The following PCDH15 variants were observed in gnomAD, a reference collection of about 807,000 sequenced individuals.
PCDH15 encodes the protein protocadherin related 15, also known as protocadherin-15.
A neutral mutation model predicts 178.5 loss-of-function variants in PCDH15; 129 were observed. That is an observed-to-expected ratio of 0.72 (90% confidence interval 0.63 to 0.84). PCDH15 has a LOEUF of 0.84. Ranked by LOEUF, PCDH15 falls within the 40% of genes least tolerant of loss-of-function variation. PCDH15 has a pLI of 0.00. For missense variants in PCDH15, 2,230 were observed against 2,099.9 expected, an observed-to-expected ratio of 1.06 and a Z score of -1.21; for synonymous variants, 800 against 732.0, an observed-to-expected ratio of 1.09 and a Z score of -1.50.
intron 2 of PCDH15, among the ~76,000 whole-genome samples, chr10:55,529,248 A>C (rs998988840): frequency 6.6e-6 from 1 of 151,730 alleles, no homozygotes; most frequent in African/African-American, 2.4e-5. Context: ...CCCACTTGTC[A>C]ATTTTGGCTT....
At chr10:54,549,759 T>A (rs1034255125) in intron 2 of PCDH15, among the ~76,000 whole-genome samples, 4 of 152,032 alleles carry the variant, frequency 2.6e-5, no homozygotes, top group Non-Finnish European at 2.9e-5. Flanking sequence ...ATCTATCAAT[T>A]GTTGACAATA....
chr10:54,430,627 A>C (rs1956852970), intron 3 of PCDH15, among the ~76,000 whole-genome samples: 1 of 152,174 alleles, frequency 6.6e-6, no homozygotes, highest in Admixed American at 6.6e-5. Context: ...TACTGAGAGA[A>C]ATTTATAGCA....
intron 1 of PCDH15, among the ~76,000 whole-genome samples, chr10:54,748,505 G>T (rs1945770782): frequency 6.6e-6 from 1 of 152,082 alleles, no homozygotes; most frequent in Non-Finnish European, 1.5e-5. Context: ...AGAGATAACT[G>T]TCCATACCCC....
In PCDH15 at chr10:53,892,509, A is replaced by G. The variant is rs1175619794; in HGVS notation, c.3501+10734T>C. Among the ~76,000 whole-genome samples, 4 of 151,550 alleles carry G rather than the reference A, an allele frequency of 2.6e-5. No homozygotes were observed. The East Asian group carries it at 7.7e-4, about 29-fold the overall frequency. On this transcript the variant is annotated intron_variant, in intron 26 of 37. Transcript: ENST00000644397. ...TTTTTGGTGTCCCTTCTACAATAAC[A>G]AACAAACTGATTTGTGTGGAGAGGG... is the stretch of plus-strand genomic sequence containing the variant.
intron 10 of PCDH15, among the ~76,000 whole-genome samples, chr10:54,207,082 G>GA (rs917829546): frequency 1.3e-5 from 2 of 152,028 alleles, no homozygotes; most frequent in Non-Finnish European, 1.5e-5. Context: ...TTGTGAGGAA[G>GA]AAAAAAGGCC....
Position 55,007,044 on chromosome 10 carries a change from C to G in PCDH15, c.-79-109544G>C, listed in dbSNP as rs978050991. On this transcript the variant is annotated intron_variant, in intron 2 of 5. Transcript: ENST00000458638. ...CCCACAAGCATCTCTCTCTATGTCT[C>G]TCTCTCTTGCTCTTGCTTTTGCTAT... Among the ~76,000 whole-genome samples the G allele has an allele frequency of 2.6e-5, 4 of 152,240 alleles. No homozygotes were observed. The East Asian group carries it at 7.7e-4, about 29-fold the overall frequency.
chr10:55,284,336 A>G (rs1385036546), intron 1 of PCDH15, among the ~76,000 whole-genome samples: 1 of 152,114 alleles, frequency 6.6e-6, no homozygotes, highest in Non-Finnish European at 1.5e-5. Flanking sequence ...CTACACTGAG[A>G]GTAAGTTCTC....
At chr10:54,755,303 A>G (rs1383801040) in intron 1 of PCDH15, among the ~76,000 whole-genome samples, 3 of 152,186 alleles carry the variant, frequency 2.0e-5, no homozygotes, top group Non-Finnish European at 2.9e-5. Context: ...GGAGGAACCC[A>G]GTATAGTACG....
intron 26 of PCDH15, among the ~76,000 whole-genome samples, chr10:53,874,734 G>A (rs11003902): frequency 0.64 from 96,641 of 151,716 alleles, 31,482 homozygotes; most frequent in Middle Eastern, 0.79. Flanking sequence ...AAAAAAGTCC[G>A]TTGAGATAAA....
chr10:54,390,787 G>A (rs1419228625), intron 3 of PCDH15, among the ~76,000 whole-genome samples: 1 of 152,170 alleles, frequency 6.6e-6, no homozygotes, highest in Non-Finnish European at 1.5e-5. Flanking sequence ...TTAGGCAGAA[G>A]AGGACTAGAG....
chr10:54,177,811 GTGTT>G (rs768898840), intron 13 of PCDH15, among the ~76,000 whole-genome samples: 31 of 152,094 alleles, frequency 2.0e-4, no homozygotes, highest in South Asian at 6.2e-4. Context: ...TTGAGTGTCT[GTGTT>G]TGTTTATTAA....
At chr10:55,528,062 G>C (rs1316615205) in intron 2 of PCDH15, among the ~76,000 whole-genome samples, 1 of 151,720 alleles carries the variant, frequency 6.6e-6, no homozygotes, top group Non-Finnish European at 1.5e-5. Context: ...TCTCAGACAA[G>C]TTCTCACTCT....
chr10:55,571,751 A>T (rs999726139), intron 2 of PCDH15, among the ~76,000 whole-genome samples: 1 of 152,134 alleles, frequency 6.6e-6, no homozygotes, highest in Non-Finnish European at 1.5e-5. Context: ...ATGAGCTACA[A>T]ATAAACACTA....
intron 2 of PCDH15, among the ~76,000 whole-genome samples, chr10:54,662,258 C>G (rs995883199): frequency 6.6e-6 from 1 of 151,676 alleles, no homozygotes; most frequent in Admixed American, 6.6e-5. Flanking sequence ...CAGACACTTC[C>G]CAAAAGAAGA....
intron 8 of PCDH15, among the ~76,000 whole-genome samples, chr10:54,274,664 T>A (rs1411266322): frequency 1.4e-5 from 2 of 147,754 alleles, no homozygotes; most frequent in Non-Finnish European, 3.0e-5. Context: ...GTGTCTAAAG[T>A]CACCCTAAGC....
At chr10:55,206,879 GATGA>G (rs1029271589) in intron 1 of PCDH15, among the ~76,000 whole-genome samples, 3 of 152,016 alleles carry the variant, frequency 2.0e-5, no homozygotes, top group African/African-American at 7.3e-5. Flanking sequence ...AGATAGATAT[GATGA>G]ATGATTTTTG....
chr10:53,824,034 G>A (rs1370475245), intron 32 of PCDH15, among the ~76,000 whole-genome samples: 1 of 151,914 alleles, frequency 6.6e-6, no homozygotes, highest in Admixed American at 6.6e-5. Context: ...AGGAAAAATT[G>A]TTTTAAAACC....
At chr10:54,270,364 T>C (rs990195917) in intron 8 of PCDH15, among the ~76,000 whole-genome samples, 1 of 152,162 alleles carries the variant, frequency 6.6e-6, no homozygotes, top group Non-Finnish European at 1.5e-5. Flanking sequence ...ATTCAGTCAT[T>C]GTCTATGGAA....
intron 13 of PCDH15, among the ~76,000 whole-genome samples, chr10:54,178,534 A>G (rs1258998737): frequency 6.6e-6 from 1 of 152,094 alleles, no homozygotes; most frequent in African/African-American, 2.4e-5. Context: ...GAGCACAGAA[A>G]TTGGAAGGAG....
Sources: gnomAD v4.1 joint callset for allele counts (sites outside exome capture counted in the v4.1 genomes callset) on GRCh38, gnomAD v4.1.1 for gene constraint, MANE v1.5 for transcripts, NCBI Gene and HGNC (gene_info 2026-07-23, HGNC 2026-07-21) for gene names.